Variants in AP1S3 observed in about 807,000 individuals in gnomAD.
AP1S3 encodes the protein AP-1 complex subunit sigma-3.
AP1S3 carries 10 observed loss-of-function variants against 20.9 expected under a neutral mutation model. That is an observed-to-expected ratio of 0.48 (90% CI 0.29 to 0.81). The LOEUF is 0.81. AP1S3 is among the 30% of genes least tolerant of loss of function. The probability of loss-of-function intolerance (pLI) is 0.08; values close to 1 mark genes in which losing one functional copy is unlikely to be tolerated. For synonymous variants in AP1S3, 41 were observed against 61.5 expected (o/e 0.67, Z 1.56); for missense variants, 154 against 183.8 (o/e 0.84, Z 0.94).
intron 1 of AP1S3, 37 bp from the exon 2 acceptor site, chr2:223,777,906 C>A: frequency 6.4e-7 from 1 of 1,566,992 alleles, no homozygotes; most frequent in East Asian, 2.3e-5. Context: ...ACCTGATCAA[C>A]CAAGTCACTC....
At position 223,829,242 on chromosome 2, in the gene AP1S3, A is replaced by G. The variant is rs550765816; in HGVS notation, c.3+8206T>C. Among the ~76,000 whole-genome samples, 13 of 152,350 alleles carry G rather than the reference A, an allele frequency of 8.5e-5. No homozygotes were observed. In the South Asian group the frequency reaches 2.5e-3, roughly 29 times the overall value. On this transcript the variant is annotated intron_variant, in intron 1 of 4. Transcript: ENST00000396654. Reference sequence around the variant, plus strand: ...TTGTCCAATATACCTATGATGAGTTAGTGGAAGCTGCCCTAGAAAATGGGT... The same window carrying G: ...TTGTCCAATATACCTATGATGAGTTGGTGGAAGCTGCCCTAGAAAATGGGT...
At position 223,831,023 on chromosome 2, in the gene AP1S3, A is replaced by G. The variant is rs181917081; in HGVS notation, c.3+6425T>C. Among the ~76,000 whole-genome samples the G allele has an allele frequency of 5.1e-3, 773 of 151,724 alleles. 4 individuals are homozygous for G. The highest frequency in any genetic ancestry group is 8.8e-3 in the Non-Finnish European group (599 of 67,858). On this transcript the variant is annotated intron_variant, in intron 1 of 4. Coordinates refer to ENST00000396654, the MANE Select transcript of AP1S3 (RefSeq NM_001039569.2). ...TTGCTAGCAGCGATACAAGAAATAC[A>G]TTTTTTTTTCTTTTTAATAGAGACT...
chr2:223,780,306 TATAGAGAGAGAGAGAGAG>T (rs1390641567), intron 1 of AP1S3, among the ~76,000 whole-genome samples: 3 of 45,252 alleles, frequency 6.6e-5, no homozygotes, highest in African/African-American at 1.9e-4. Flanking sequence ...TATATATATA[TATAGAGAGAGAGAGAGAG>T]AGAGAGAGAG....
chr2:223,809,732 A>ATT (rs754446760), intron 1 of AP1S3, among the ~76,000 whole-genome samples: 1 of 139,522 alleles, frequency 7.2e-6, no homozygotes, highest in Non-Finnish European at 1.6e-5. Context: ...ACCTTTATTT[A>ATT]TTTTTTTTTT....
At chr2:223,784,895 G>T (rs1402105964) in intron 1 of AP1S3, among the ~76,000 whole-genome samples, 2 of 151,962 alleles carry the variant, frequency 1.3e-5, no homozygotes, top group African/African-American at 2.4e-5. Context: ...GCCCTAAAAT[G>T]CAGACAAATA....
chr2:223,828,430 G>A (rs574970424), intron 1 of AP1S3, among the ~76,000 whole-genome samples: 7 of 151,568 alleles, frequency 4.6e-5, no homozygotes, highest in African/African-American at 9.7e-5. Context: ...CCGAGTAACC[G>A]GGGTTATAGG....
chr2:223,800,170 G>A (rs895975721), intron 1 of AP1S3, among the ~76,000 whole-genome samples: 5 of 150,668 alleles, frequency 3.3e-5, no homozygotes, highest in South Asian at 2.1e-4. Context: ...AGCTGAGATC[G>A]TACCACTGCA....
intron 1 of AP1S3, among the ~76,000 whole-genome samples, chr2:223,829,445 G>A (rs1201925481): frequency 1.3e-5 from 2 of 151,972 alleles, no homozygotes; most frequent in Non-Finnish European, 2.9e-5. Flanking sequence ...TGGCCAACGT[G>A]GCAAAACCCT....
chr2:223,758,142 CT>C lies in AP1S3; in HGVS notation c.*572del, dbSNP rs1390649981. 1 of 954,736 alleles carries C rather than the reference CT, an allele frequency of 1.0e-6. No homozygotes were observed. The highest frequency in any genetic ancestry group is 1.2e-6 in the Non-Finnish European group (1 of 810,544). The allele number at this position is 954,736 out of a possible 1,614,324, so 59.1% of individuals were successfully genotyped here. ...TTTGGTTATTTTCATAATCCCAATT[CT>C]AAAAAAAATAAATGAATTCAGCACA... On this transcript the variant is annotated 3_prime_UTR_variant, in exon 5 of 5. Coordinates refer to ENST00000396654, the MANE Select transcript of AP1S3 (RefSeq NM_001039569.2).
In AP1S3 at chr2:223,757,450, C is replaced by A. The variant is rs959209524; in HGVS notation, c.*1265G>T. 3.8e-5 allele frequency: 12 copies of A among 315,586 alleles called. No homozygotes were observed. Among genetic ancestry groups the A allele is most frequent in the Admixed American group, 1.3e-4 (2 of 15,340 alleles). 19.5% of individuals were successfully genotyped at this position (315,586 alleles called of 1,614,324 possible). ...TATAGGCATGAGCCACTGTACCCGG[C>A]CTAATTTTTGTATTTTTAGTAGAGA... On this transcript the variant is annotated 3_prime_UTR_variant, in exon 5 of 5. Coordinates refer to ENST00000396654, the MANE Select transcript of AP1S3 (RefSeq NM_001039569.2).
intron 3 of AP1S3, among the ~76,000 whole-genome samples, chr2:223,771,961 G>C (rs1259821482): frequency 6.6e-6 from 1 of 152,050 alleles, no homozygotes; most frequent in Non-Finnish European, 1.5e-5. Flanking sequence ...ACAAAAATTA[G>C]CCAGGCATGG....
intron 1 of AP1S3, among the ~76,000 whole-genome samples, chr2:223,778,823 A>G (rs1413277481): frequency 6.6e-6 from 1 of 151,976 alleles, no homozygotes; most frequent in Non-Finnish European, 1.5e-5. Flanking sequence ...CAGCCTCCCA[A>G]GTAGCTGAGA....
At chr2:223,786,408 C>T (rs570939036) in intron 1 of AP1S3, among the ~76,000 whole-genome samples, 2 of 152,214 alleles carry the variant, frequency 1.3e-5, no homozygotes, top group African/African-American at 4.8e-5. Flanking sequence ...ATTGTTTTTA[C>T]AGCAGGTGCG....
intron 1 of AP1S3, among the ~76,000 whole-genome samples, chr2:223,789,618 T>A (rs1691163467): frequency 6.8e-6 from 1 of 146,958 alleles, no homozygotes; most frequent in Non-Finnish European, 1.5e-5. Context: ...GGTGGGTGGA[T>A]CACTCAAGAC....
intron 1 of AP1S3, among the ~76,000 whole-genome samples, chr2:223,789,945 G>A (rs527980383): frequency 5.3e-5 from 8 of 151,916 alleles, no homozygotes; most frequent in African/African-American, 1.7e-4. Flanking sequence ...GAAAGAATTC[G>A]AAATTTTTTC....
intron 2 of AP1S3, 119 bp from the exon 3 acceptor site, chr2:223,776,128 G>T: frequency 1.3e-6 from 1 of 747,976 alleles, no homozygotes; most frequent in Non-Finnish European, 2.4e-6. Flanking sequence ...ATCCAAGAAT[G>T]AAATCATTAT....
chr2:223,820,889 A>C (rs1429058962), intron 1 of AP1S3, among the ~76,000 whole-genome samples: 1 of 152,136 alleles, frequency 6.6e-6, no homozygotes, highest in African/African-American at 2.4e-5. Context: ...ACCTTGCTGG[A>C]ACCAGTCTCA....
Position 223,835,927 on chromosome 2 carries a change from G to A in AP1S3, c.3+1521C>T, listed in dbSNP as rs557101322. 2.5e-4 allele frequency among the ~76,000 whole-genome samples: 38 copies of A among 152,292 alleles called. 1 individual carries two copies. The highest frequency in any genetic ancestry group is 2.4e-3 in the Admixed American group (37 of 15,306). On this transcript the variant is annotated intron_variant, in intron 1 of 4. Transcript: ENST00000396654. Reference sequence around the variant, plus strand: ...AATTACACTGGTGGACTGGGCATCTGTCACCTTGTTCCTTGGGAAACTTGA... The same window carrying A: ...AATTACACTGGTGGACTGGGCATCTATCACCTTGTTCCTTGGGAAACTTGA...
intron 1 of AP1S3, among the ~76,000 whole-genome samples, chr2:223,804,772 A>G (rs1258121794): frequency 6.6e-6 from 1 of 152,146 alleles, no homozygotes; most frequent in East Asian, 1.9e-4. Context: ...GATCAAATGA[A>G]AGGCAGGAGA....
Sources: gnomAD v4.1 joint callset for allele counts (sites outside exome capture counted in the v4.1 genomes callset) on GRCh38, gnomAD v4.1.1 for gene constraint, MANE v1.5 for transcripts, NCBI Gene and HGNC (gene_info 2026-07-23, HGNC 2026-07-21) for gene names.